GRID1: variants seen among roughly 807,000 people sequenced by gnomAD.
GRID1 encodes glutamate ionotropic receptor delta type subunit 1.
Under a neutral mutation model 98.0 loss-of-function variants are expected in GRID1, and 28 were observed. The observed-to-expected ratio is 0.29, with a 90% CI of 0.21 to 0.39. GRID1 has a LOEUF of 0.39. Ranked by LOEUF, GRID1 falls within the 10% of genes least tolerant of loss-of-function variation. The pLI, the probability that GRID1 is intolerant of heterozygous loss-of-function variation, is 1.00. For missense variants in GRID1, 1,111 were observed against 1,340.5 expected (o/e 0.83, Z 2.67); for synonymous variants, 553 against 538.5 (o/e 1.03, Z -0.37).
At chr10:85,935,450 G>A (rs1417664559) in intron 4 of GRID1, among the ~76,000 whole-genome samples, 1 of 152,206 alleles carries the variant, frequency 6.6e-6, no homozygotes, top group Non-Finnish European at 1.5e-5. Context: ...CCGAACAGAG[G>A]CAGCCTGGAG....
At chr10:85,856,322 C>T (rs1321161123) in intron 6 of GRID1, 132 bp from the exon 7 acceptor site, 12 of 788,664 alleles carry the variant, frequency 1.5e-5, no homozygotes, top group Non-Finnish European at 2.0e-5. Context: ...TGCCAAGATC[C>T]TCGGCTTTTA....
intron 13 of GRID1, among the ~76,000 whole-genome samples, chr10:85,640,522 A>G (rs757625232): frequency 2.0e-5 from 3 of 152,174 alleles, no homozygotes; most frequent in Non-Finnish European, 4.4e-5. Flanking sequence ...GCCTCGCCCT[A>G]CTTCTCAGTA....
rs769287013 is a variant in GRID1 at position 85,602,288 on chromosome 10, G to T, written c.3015C>A (p.His1005Gln). Residue 1005 changes from histidine to glutamine, a missense_variant, in exon 16 of 16, where the codon CAC (histidine) becomes CAA (glutamine). By Grantham distance (24) the His-to-Gln change is conservative. Around this residue, in one of 3 missense-constraint regions of GRID1, gnomAD observed 762 missense variants for 869.1 expected, o/e 0.88. Transcript: ENST00000327946. ...GGCGGCGCAGTCAGATGGAGGTCCC[G>T]TGGGAGGTGTCCAGAGCCTCTGGAA... ...GVLPEALDTSHGTSI is the reference protein window; with the variant it reads ...GVLPEALDTSQGTSI The T allele has an allele frequency of 8.6e-6, 13 of 1,520,258 alleles. No homozygotes were observed. Among genetic ancestry groups the T allele is most frequent in the Non-Finnish European group, 1.1e-5 (13 of 1,134,492 alleles). 94.2% of individuals were successfully genotyped at this position (1,520,258 alleles called of 1,614,324 possible). A position where few individuals can be genotyped will look rare whatever the true frequency, so the allele number is the denominator to read the frequency against.
intron 2 of GRID1, among the ~76,000 whole-genome samples, chr10:86,361,711 CT>C: frequency 6.6e-6 from 1 of 152,200 alleles, no homozygotes. Context: ...TTGGCAATAG[CT>C]TTAAATCAAA....
At chr10:86,209,324 T>C (rs1377388140) in intron 2 of GRID1, among the ~76,000 whole-genome samples, 2 of 152,242 alleles carry the variant, frequency 1.3e-5, no homozygotes, top group African/African-American at 4.8e-5. Context: ...TGTGTGAGAA[T>C]TGCCTCTGTG....
intron 5 of GRID1, among the ~76,000 whole-genome samples, chr10:85,878,528 T>G (rs949792114): frequency 1.3e-4 from 20 of 152,096 alleles, no homozygotes; most frequent in Admixed American, 1.1e-3. Context: ...CTAAGATTCA[T>G]AAGTGAAGGA....
chr10:85,770,395 C>T (rs1186525080), intron 8 of GRID1, among the ~76,000 whole-genome samples: 2 of 152,070 alleles, frequency 1.3e-5, no homozygotes, highest in South Asian at 2.1e-4. Context: ...AGCAGAAAAA[C>T]TGGAAACTAA....
chr10:86,306,671 GA>G (rs139579441), intron 2 of GRID1, among the ~76,000 whole-genome samples: 234 of 152,326 alleles, frequency 1.5e-3, no homozygotes, highest in South Asian at 8.1e-3. Flanking sequence ...GAAAAAGAGA[GA>G]GGGGGAAGAA....
chr10:85,853,925 C>T (rs1315824065), intron 8 of GRID1, among the ~76,000 whole-genome samples: 1 of 152,202 alleles, frequency 6.6e-6, no homozygotes, highest in Admixed American at 6.5e-5. Context: ...ACTGGGAAGA[C>T]CCAGGCTGCC....
At chr10:85,937,460 G>A (rs10509524) in intron 4 of GRID1, among the ~76,000 whole-genome samples, 6,876 of 152,220 alleles carry the variant, frequency 0.045, 491 homozygotes, top group African/African-American at 0.15. Flanking sequence ...GTATCCAGCC[G>A]AGTAGCTGTG....
At chr10:86,247,000 T>A (rs1846739749) in intron 2 of GRID1, among the ~76,000 whole-genome samples, 1 of 152,274 alleles carries the variant, frequency 6.6e-6, no homozygotes, top group Non-Finnish European at 1.5e-5. Context: ...CAATTAGAAA[T>A]GAGCCTCATC....
chr10:86,046,214 C>T (rs1340706023), intron 4 of GRID1, among the ~76,000 whole-genome samples: 5 of 152,124 alleles, frequency 3.3e-5, no homozygotes, highest in Non-Finnish European at 5.9e-5. Context: ...CTGCATAAAC[C>T]GCCCCCGAAC....
At chr10:85,962,918 T>C (rs1842288638) in intron 4 of GRID1, among the ~76,000 whole-genome samples, 1 of 152,138 alleles carries the variant, frequency 6.6e-6, no homozygotes, top group Non-Finnish European at 1.5e-5. Context: ...AAACCACTCA[T>C]GGTTTACAGG....
chr10:86,280,109 G>C (rs1449698374), intron 2 of GRID1, among the ~76,000 whole-genome samples: 2 of 152,096 alleles, frequency 1.3e-5, no homozygotes, highest in Non-Finnish European at 2.9e-5. Context: ...AGGCTGAGAT[G>C]GGAAGATTGC....
intron 4 of GRID1, among the ~76,000 whole-genome samples, chr10:85,946,215 A>G (rs139809587): frequency 6.6e-6 from 1 of 152,322 alleles, no homozygotes; most frequent in Non-Finnish European, 1.5e-5. Flanking sequence ...CCATTTCATT[A>G]CAAGGTACTA....
At chr10:85,835,027 A>T (rs992740708) in intron 8 of GRID1, among the ~76,000 whole-genome samples, 1 of 152,240 alleles carries the variant, frequency 6.6e-6, no homozygotes. Flanking sequence ...ATTAATTTTT[A>T]AAAAGTAGGA....
At chr10:85,987,444 CCAGCCTTATCTCTCCCCA>C (rs1842623198) in intron 4 of GRID1, among the ~76,000 whole-genome samples, 2 of 94,388 alleles carry the variant, frequency 2.1e-5, no homozygotes, top group Non-Finnish European at 2.1e-5. Flanking sequence ...TACCTGCCCC[CCAGCCTTATCTCTCCCCA>C]AGCCTTACCT....
Position 85,878,921 on chromosome 10 carries a change from G to T in GRID1, c.781-9741C>A, listed in dbSNP as rs1259599972. On this transcript the variant is annotated intron_variant, in intron 5 of 15. Coordinates refer to ENST00000327946, the MANE Select transcript of GRID1 (RefSeq NM_017551.3). ...AATAGGCTCAAAATAAAGGGATGGA[G>T]GAAGATCTACCAAGCAAATGGAAAA... Among the ~76,000 whole-genome samples, 11 of 152,192 alleles carry T rather than the reference G, an allele frequency of 7.2e-5. No homozygotes were observed. The East Asian group carries it at 2.1e-3, about 29-fold the overall frequency.
At chr10:86,350,481 G>T (rs1037239745) in intron 2 of GRID1, among the ~76,000 whole-genome samples, 1 of 152,168 alleles carries the variant, frequency 6.6e-6, no homozygotes, top group Non-Finnish European at 1.5e-5. Flanking sequence ...GTAGTGGGAG[G>T]CCCAGCACAT....
Sources: gnomAD v4.1 joint callset for allele counts (sites outside exome capture counted in the v4.1 genomes callset) on GRCh38, gnomAD v4.1.1 for gene constraint, gnomAD v4.1.1 regional missense constraint, MANE v1.5 for transcripts, NCBI Gene and HGNC (gene_info 2026-07-23, HGNC 2026-07-21) for gene names.